Variants in DSCAML1 observed in about 807,000 individuals in gnomAD.
The protein encoded by DSCAML1 is DS cell adhesion molecule like 1.
A neutral mutation model predicts 200.5 loss-of-function variants in DSCAML1; 38 were observed. The observed-to-expected ratio is 0.19, with a 90% CI of 0.15 to 0.25. The LOEUF is 0.25. Among genes scored for constraint, DSCAML1 ranks in the 10% least tolerant of loss-of-function variants. The pLI, the probability that DSCAML1 is intolerant of heterozygous loss-of-function variation, is 1.00. For missense variants in DSCAML1, 2,223 were observed against 2,858.8 expected (o/e 0.78, Z 5.07); for synonymous variants, 1,215 against 1,165.0 (o/e 1.04, Z -0.87).
chr11:117,775,286 C>A (rs1344663355), intron 3 of DSCAML1, among the ~76,000 whole-genome samples: 1 of 152,206 alleles, frequency 6.6e-6, no homozygotes, highest in Non-Finnish European at 1.5e-5. Flanking sequence ...CACACAGCCA[C>A]CCCTGCGGGG....
chr11:117,808,607 G>T (rs1387754339), intron 1 of DSCAML1, among the ~76,000 whole-genome samples: 2 of 152,182 alleles, frequency 1.3e-5, no homozygotes, highest in Non-Finnish European at 2.9e-5. Flanking sequence ...CATAGGTCTT[G>T]GGGCTGGCAT....
intron 3 of DSCAML1, among the ~76,000 whole-genome samples, chr11:117,681,217 CA>C (rs2053306558): frequency 6.6e-6 from 1 of 152,190 alleles, no homozygotes; most frequent in Non-Finnish European, 1.5e-5. Flanking sequence ...TAGGGTCCAA[CA>C]AGGCTTTTGG....
chr11:117,527,825 A>T (rs1156406065), intron 4 of DSCAML1, among the ~76,000 whole-genome samples: 1 of 152,176 alleles, frequency 6.6e-6, no homozygotes, highest in Non-Finnish European at 1.5e-5. Flanking sequence ...AGGGGAAAGA[A>T]TCTCTGTTCT....
At chr11:117,579,580 C>A (rs1189784214) in intron 3 of DSCAML1, among the ~76,000 whole-genome samples, 1 of 152,232 alleles carries the variant, frequency 6.6e-6, no homozygotes, top group African/African-American at 2.4e-5. Context: ...AGATATTGAG[C>A]ACTCTCTTTC....
intron 3 of DSCAML1, among the ~76,000 whole-genome samples, chr11:117,592,721 G>T (rs4938412): frequency 0.013 from 2,047 of 152,212 alleles, 21 homozygotes; most frequent in East Asian, 0.048. Flanking sequence ...TACCATCATT[G>T]GCCTCATTTT....
chr11:117,686,796 G>A (rs2053407589), intron 3 of DSCAML1, among the ~76,000 whole-genome samples: 1 of 152,198 alleles, frequency 6.6e-6, no homozygotes, highest in Non-Finnish European at 1.5e-5. Context: ...GACCACCCAG[G>A]CCACCAGGTG....
At chr11:117,448,640 G>A in intron 20 of DSCAML1, among the ~76,000 whole-genome samples, 1 of 147,570 alleles carries the variant, frequency 6.8e-6, no homozygotes, top group Admixed American at 6.7e-5. Flanking sequence ...TGTGTGTGTG[G>A]GGGGTGGGTA....
chr11:117,548,834 T>C (rs192777910), intron 3 of DSCAML1, among the ~76,000 whole-genome samples: 2 of 152,322 alleles, frequency 1.3e-5, no homozygotes, highest in East Asian at 3.9e-4. Context: ...GTGGTTTTGA[T>C]CACACCCTCT....
intron 3 of DSCAML1, among the ~76,000 whole-genome samples, chr11:117,754,435 A>G (rs1397908524): frequency 6.6e-6 from 1 of 152,036 alleles, no homozygotes; most frequent in Non-Finnish European, 1.5e-5. Context: ...AGCTATGACT[A>G]TATCGTGGGC....
chr11:117,765,387 G>A (rs989323988), intron 3 of DSCAML1, among the ~76,000 whole-genome samples: 1 of 152,184 alleles, frequency 6.6e-6, no homozygotes, highest in Admixed American at 6.5e-5. Flanking sequence ...GGGCGTCCCT[G>A]CCTCTCTGTC....
chr11:117,624,585 C>T (rs1053842671), intron 3 of DSCAML1, among the ~76,000 whole-genome samples: 1 of 152,088 alleles, frequency 6.6e-6, no homozygotes, highest in Admixed American at 6.5e-5. Context: ...TAGGCACTCA[C>T]ATGCGCACTC....
At chr11:117,487,194 G>A (rs1592655059) in intron 11 of DSCAML1, among the ~76,000 whole-genome samples, 1 of 151,870 alleles carries the variant, frequency 6.6e-6, no homozygotes, top group South Asian at 2.1e-4. Context: ...CAAAGTGCTG[G>A]GATTACAGGT....
intron 8 of DSCAML1, among the ~76,000 whole-genome samples, chr11:117,512,799 A>ACACACACACACC (rs1555179361): frequency 8.7e-5 from 12 of 137,598 alleles, no homozygotes; most frequent in African/African-American, 3.1e-4. Flanking sequence ...ACACACACAC[A>ACACACACACACC]CACCCCTCCC....
chr11:117,477,413 T>C (rs2048820493), intron 14 of DSCAML1, among the ~76,000 whole-genome samples: 1 of 150,216 alleles, frequency 6.7e-6, no homozygotes, highest in Non-Finnish European at 1.5e-5. Context: ...TATGTGTATA[T>C]TCTCACTCCA....
chr11:117,576,092 A>G (rs1023950238), intron 3 of DSCAML1, among the ~76,000 whole-genome samples: 1 of 152,094 alleles, frequency 6.6e-6, no homozygotes, highest in Non-Finnish European at 1.5e-5. Flanking sequence ...ATATCTGCAG[A>G]GCCTGGGCTC....
intron 3 of DSCAML1, among the ~76,000 whole-genome samples, chr11:117,766,387 T>C (rs557206974): frequency 4.5e-4 from 69 of 152,346 alleles, no homozygotes; most frequent in Non-Finnish European, 7.8e-4. Flanking sequence ...GCAAGATTGA[T>C]TTTGATGTGA....
rs576336256 is a variant in DSCAML1, at chr11:117,483,673, C to T, written c.2360-1511G>A. 4.6e-5 allele frequency among the ~76,000 whole-genome samples: 7 copies of T among 152,322 alleles called. No individual in the cohort carries two copies. The South Asian group carries it at 1.4e-3, about 32-fold the overall frequency. Reference sequence around the variant, plus strand: ...GAGAGCAGAGGGAAGGGCGCCCAGGCAGGAGAATCTGCTTGAGCCAAGGCT... The same window carrying T: ...GAGAGCAGAGGGAAGGGCGCCCAGGTAGGAGAATCTGCTTGAGCCAAGGCT... On this transcript the variant is annotated intron_variant, in intron 11 of 32. Coordinates refer to ENST00000651296, the MANE Select transcript of DSCAML1 (RefSeq NM_020693.4).
intron 1 of DSCAML1, among the ~76,000 whole-genome samples, chr11:117,787,378 G>A (rs2134064584): frequency 6.6e-6 from 1 of 152,310 alleles, no homozygotes; most frequent in African/African-American, 2.4e-5. Context: ...TGTGGGAAAA[G>A]TGAATCCTTG....
At chr11:117,544,310 A>G (rs1458969150) in intron 3 of DSCAML1, among the ~76,000 whole-genome samples, 1 of 152,252 alleles carries the variant, frequency 6.6e-6, no homozygotes, top group Non-Finnish European at 1.5e-5. Context: ...CAGTGTCGTC[A>G]GCCTGCAGTG....
Sources: allele counts gnomAD v4.1 joint callset (sites outside exome capture counted in the v4.1 genomes callset), GRCh38; gene constraint gnomAD v4.1.1; transcripts MANE v1.5; gene names NCBI Gene and HGNC (gene_info 2026-07-23, HGNC 2026-07-21).